The following VWA3A variants were observed in gnomAD, a reference collection of about 807,000 sequenced individuals.
VWA3A encodes the protein von Willebrand factor A domain-containing protein 3A.
VWA3A carries 134 observed loss-of-function variants against 160.4 expected under a neutral mutation model. The observed-to-expected ratio is 0.84, with a 90% confidence interval of 0.73 to 0.96. The LOEUF (loss-of-function observed/expected upper bound fraction) is 0.96, where lower values mean the gene tolerates loss of function less well. VWA3A is among the 40% of genes least tolerant of loss of function. The probability of loss-of-function intolerance (pLI) is 0.00; values close to 1 mark genes in which losing one functional copy is unlikely to be tolerated. For missense variants in VWA3A, 1,310 were observed against 1,447.9 expected, an observed-to-expected ratio of 0.90 and a Z score of 1.55; for synonymous variants, 476 against 543.4, an observed-to-expected ratio of 0.88 and a Z score of 1.72.
intron 6 of VWA3A, among the ~76,000 whole-genome samples, chr16:22,105,410 G>A (rs2045469794): frequency 6.6e-6 from 1 of 152,174 alleles, no homozygotes; most frequent in African/African-American, 2.4e-5. Flanking sequence ...GATAATCGCT[G>A]GTCCCTGTTC....
intron 15 of VWA3A, 107 bp from the exon 16 acceptor site, chr16:22,123,506 C>G: frequency 6.2e-7 from 1 of 1,603,272 alleles, no homozygotes; most frequent in Non-Finnish European, 8.5e-7. Context: ...TTCCCAGGGA[C>G]TTGACACACC....
intron 14 of VWA3A, among the ~76,000 whole-genome samples, chr16:22,122,144 G>GATGA (rs1257357268): frequency 3.5e-5 from 5 of 143,642 alleles, no homozygotes; most frequent in African/African-American, 1.3e-4. Context: ...TGGATGGATG[G>GATGA]ATGGATGGAT....
intron 8 of VWA3A, among the ~76,000 whole-genome samples, chr16:22,113,661 C>T (rs928425010): frequency 2.0e-5 from 3 of 151,904 alleles, no homozygotes; most frequent in African/African-American, 7.3e-5. Context: ...TTCAGTGGTA[C>T]AATCATAGCT....
chr16:22,155,505 G>A, intron 31 of VWA3A, 62 bp from the exon 32 acceptor site: 1 of 1,484,670 alleles, frequency 6.7e-7, no homozygotes, highest in South Asian at 1.1e-5. Flanking sequence ...TGCTTTTCCT[G>A]AGATTTTGGA....
chr16:22,097,174 C>T (rs757357662), intron 2 of VWA3A, among the ~76,000 whole-genome samples: 1 of 151,998 alleles, frequency 6.6e-6, no homozygotes, highest in African/African-American at 2.4e-5. Context: ...ACCGTGTTAA[C>T]CAGGATGGTC....
intron 1 of VWA3A, among the ~76,000 whole-genome samples, chr16:22,095,790 G>A (rs2045310908): frequency 6.6e-6 from 1 of 152,006 alleles, no homozygotes; most frequent in African/African-American, 2.4e-5. Flanking sequence ...TTGAACTCCT[G>A]GCCTCAAGTG....
chr16:22,092,682 G>A (rs971638128), intron 1 of VWA3A, 31 bp downstream of exon 1: 1 of 1,550,256 alleles, frequency 6.5e-7, no homozygotes, highest in African/African-American at 1.4e-5. Flanking sequence ...GGTTGACAGG[G>A]GTGGTGAGAG....
chr16:22,131,099 A>T lies in VWA3A; in HGVS notation c.1653-106A>T, dbSNP rs983434777. On this transcript the variant is annotated intron_variant, in intron 17 of 33. Transcript: ENST00000389398. ...CAGTGACATCCTCACATTTTAGGGG[A>T]TCTCATCAGAATTTTGTCCCCACTA... is the stretch of plus-strand genomic sequence containing the variant. 3.2e-6 allele frequency: 3 copies of T among 950,192 alleles called. No homozygotes were observed. The African/African-American group carries it at 4.9e-5, about 16-fold the overall frequency. 58.9% of individuals were successfully genotyped at this position (950,192 alleles called of 1,614,324 possible).
intron 1 of VWA3A, among the ~76,000 whole-genome samples, 184 bp from the exon 2 acceptor site, chr16:22,096,675 G>A (rs1353795325): frequency 6.6e-6 from 1 of 151,962 alleles, no homozygotes; most frequent in Admixed American, 6.6e-5. Context: ...AGCCTGGGAG[G>A]TCAAGGCTAC....
intron 31 of VWA3A, among the ~76,000 whole-genome samples, chr16:22,153,908 C>G (rs2046391319): frequency 6.6e-6 from 1 of 151,632 alleles, no homozygotes; most frequent in Non-Finnish European, 1.5e-5. Flanking sequence ...CAGCTAATTT[C>G]TTTAATTTTT....
chr16:22,126,428 A>G, intron 17 of VWA3A, 131 bp downstream of exon 17: 3 of 1,295,336 alleles, frequency 2.3e-6, no homozygotes, highest in Non-Finnish European at 3.1e-6. Context: ...TAGGATAGCC[A>G]TCGGTTTATC....
chr16:22,141,674 G>A lies in VWA3A; in HGVS notation c.2476G>A (p.Glu826Lys), dbSNP rs1160927361. ...GACATCTCTTTTACTGTTCTACACA[G>A]AGAAAGGGAATGACGTGGGTAAGTT... ...AETSLLLFYT[E>K]KGNDVGSVYK... Residue 826 changes from glutamate (E) to lysine (K), a missense_variant, in exon 24 of 34, where the codon GAG (glutamate) becomes AAG (lysine). Physicochemically the swap from Glu to Lys is moderately conservative, Grantham distance 56 (BLOSUM62 1). Transcript: ENST00000389398. The A allele has an allele frequency of 1.2e-5, 19 of 1,610,314 alleles. No individual in the cohort carries two copies. Among genetic ancestry groups the A allele is most frequent in the Non-Finnish European group, 1.5e-5 (18 of 1,178,390 alleles).
intron 3 of VWA3A, among the ~76,000 whole-genome samples, chr16:22,098,606 T>A (rs1228281670): frequency 6.6e-6 from 1 of 152,166 alleles, no homozygotes; most frequent in Non-Finnish European, 1.5e-5. Context: ...AACACGAAGA[T>A]CTTACCATTC....
chr16:22,151,205 G>C (rs940698688), intron 30 of VWA3A, among the ~76,000 whole-genome samples: 1 of 152,060 alleles, frequency 6.6e-6, no homozygotes, highest in Admixed American at 6.6e-5. Flanking sequence ...ACTTGATCCA[G>C]GGAGGCAGAG....
intron 17 of VWA3A, among the ~76,000 whole-genome samples, chr16:22,126,508 G>T (rs903463677): frequency 6.6e-6 from 1 of 152,094 alleles, no homozygotes; most frequent in Non-Finnish European, 1.5e-5. Flanking sequence ...TGGGGCGAAG[G>T]TGGTAAGTGA....
chr16:22,096,068 T>A (rs2045316358), intron 1 of VWA3A, among the ~76,000 whole-genome samples: 1 of 152,196 alleles, frequency 6.6e-6, no homozygotes, highest in African/African-American at 2.4e-5. Context: ...CATTTCTGGT[T>A]GTCACATTGG....
rs2046449174 is a variant in VWA3A at position 22,156,835 on chromosome 16, T to G, written c.*818T>G. The G allele has an allele frequency of 6.6e-6, 1 of 152,218 alleles. No individual in the cohort carries two copies. The highest frequency in any genetic ancestry group is 2.4e-5 in the African/African-American group (1 of 41,448). The allele number at this position is 152,218 out of a possible 1,614,324, so 9.4% of individuals were successfully genotyped here. On this transcript the variant is annotated 3_prime_UTR_variant, in exon 34 of 34. Coordinates refer to ENST00000389398, the MANE Select transcript of VWA3A (RefSeq NM_173615.5). ...AAATTAAAAACAATTAATTTTATTC[T>G]ACTAATAGGATCAACATGACTTTAA... is the stretch of plus-strand genomic sequence containing the variant.
chr16:22,123,165 G>C lies in VWA3A; in HGVS notation c.1437G>C (p.Gln479His), dbSNP rs1200454907. Reference protein sequence around the residue: ...HVDPPFLYKYQQQLSRAMRMY... With the variant: ...HVDPPFLYKYHQQLSRAMRMY... ...ACCCACCCTTCCTCTATAAGTACCA[G>C]GTCAGTGATGGGTTCAATCAGTCAG... The change falls in exon 15 of 34, where the codon CAG becomes CAC. Residue 479 changes from glutamine to histidine, a missense_variant and splice_region_variant. By Grantham distance (24) the Gln-to-His change is conservative. Coordinates refer to ENST00000389398, the MANE Select transcript of VWA3A (RefSeq NM_173615.5). The C allele has an allele frequency of 6.3e-7, 1 of 1,598,810 alleles. No homozygotes were observed. Among genetic ancestry groups the C allele is most frequent in the Middle Eastern group, 1.7e-4 (1 of 6,042 alleles).
At chr16:22,155,746 C>T in intron 32 of VWA3A, 82 bp downstream of exon 32, 1 of 1,599,800 alleles carries the variant, frequency 6.3e-7, no homozygotes, top group African/African-American at 1.3e-5. Flanking sequence ...AAGGGCCGCA[C>T]CCATGATGGT....
Sources: gnomAD v4.1 joint callset for allele counts (sites outside exome capture counted in the v4.1 genomes callset) on GRCh38, gnomAD v4.1.1 for gene constraint, MANE v1.5 for transcripts, NCBI Gene and HGNC (gene_info 2026-07-23, HGNC 2026-07-21) for gene names.